Variants in ITPR1 observed in about 807,000 individuals in gnomAD.
The protein encoded by ITPR1 is inositol 1,4,5-trisphosphate-gated calcium channel ITPR1.
A neutral mutation model predicts 318.4 loss-of-function variants in ITPR1; 96 were observed. The ratio of observed to expected loss-of-function variants is 0.30; its 90% CI spans 0.26 to 0.36. The LOEUF is 0.36. Ranked by LOEUF, ITPR1 falls within the 10% of genes least tolerant of loss-of-function variation. ITPR1 has a pLI of 1.00. For missense variants in ITPR1, 2,440 were observed against 3,460.2 expected (o/e 0.71, Z 7.40); for synonymous variants, 1,312 against 1,289.9 (o/e 1.02, Z -0.37).
intron 10 of ITPR1, among the ~76,000 whole-genome samples, chr3:4,648,493 C>T (rs113649814): frequency 3.5e-4 from 53 of 152,248 alleles, no homozygotes; most frequent in African/African-American, 1.2e-3. Flanking sequence ...AAACAGATCA[C>T]TCATTTGCCT....
intron 12 of ITPR1, among the ~76,000 whole-genome samples, chr3:4,654,107 T>C (rs967804506): frequency 2.6e-5 from 4 of 152,198 alleles, no homozygotes; most frequent in Non-Finnish European, 5.9e-5. Context: ...GGTATTTCCA[T>C]GTGTAGTAAC....
intron 2 of ITPR1, among the ~76,000 whole-genome samples, chr3:4,503,438 T>G (rs1442085197): frequency 2.0e-5 from 3 of 152,208 alleles, no homozygotes; most frequent in African/African-American, 7.2e-5. Flanking sequence ...TTCGGGTCAT[T>G]GCTGCCGAGT....
chr3:4,753,539 G>A (rs755764742), intron 44 of ITPR1, among the ~76,000 whole-genome samples: 1 of 152,096 alleles, frequency 6.6e-6, no homozygotes, highest in Non-Finnish European at 1.5e-5. Context: ...GCAGGGTGGG[G>A]AGACATGAAG....
In ITPR1 at chr3:4,802,134, T is replaced by A. The variant is rs369683803; in HGVS notation, c.7107+1534T>A. Among the ~76,000 whole-genome samples, 59 of 152,340 alleles carry A rather than the reference T, an allele frequency of 3.9e-4. No homozygotes were observed. In the East Asian group the frequency reaches 6.9e-3, roughly 18 times the overall value. On this transcript the variant is annotated intron_variant, in intron 54 of 61. Coordinates refer to ENST00000649015, the MANE Select transcript of ITPR1 (RefSeq NM_001378452.1). The stretch of plus-strand genomic sequence containing the variant: ...ATGAAAAATGCTGAGGTAAACACAA[T>A]GAAAGGTTTCATTACTGCAGGCTTC...
At chr3:4,770,118 G>A (rs2046092874) in intron 46 of ITPR1, among the ~76,000 whole-genome samples, 1 of 152,202 alleles carries the variant, frequency 6.6e-6, no homozygotes, top group Non-Finnish European at 1.5e-5. Context: ...TGGGTTATGA[G>A]GGTATGGAAA....
At chr3:4,804,350 G>A (rs541846606) in intron 54 of ITPR1, among the ~76,000 whole-genome samples, 4 of 152,288 alleles carry the variant, frequency 2.6e-5, no homozygotes, top group East Asian at 1.9e-4. Flanking sequence ...TTGTCACGCC[G>A]CAGGGAGCTG....
chr3:4,620,659 T>C (rs1432517816), intron 4 of ITPR1, among the ~76,000 whole-genome samples: 1 of 149,580 alleles, frequency 6.7e-6, no homozygotes, highest in Non-Finnish European at 1.5e-5. Context: ...GTTGGGTTTT[T>C]TCTTCTAATT....
chr3:4,817,095 T>C (rs896019477), intron 59 of ITPR1, among the ~76,000 whole-genome samples: 8 of 152,234 alleles, frequency 5.3e-5, no homozygotes, highest in Non-Finnish European at 7.3e-5. Flanking sequence ...CTGGGTTTAG[T>C]CATGTCATCA....
In ITPR1 at chr3:4,662,004, T is replaced by A. The variant is rs41305884; in HGVS notation, c.1252-78T>A. On this transcript the variant is annotated intron_variant, in intron 14 of 61. Transcript: ENST00000649015. ...TAGTATCTTGGGATCAGCCAGTGTC[T>A]CGTAAATGTAGTGTTTGATTAAAGT... 2.7e-3 allele frequency: 3,389 copies of A among 1,273,274 alleles called. 8 individuals carry two copies. Among genetic ancestry groups the A allele is most frequent in the Non-Finnish European group, 3.4e-3 (3,075 of 897,470 alleles). The allele number at this position is 1,273,274 out of a possible 1,614,324, so 78.9% of individuals were successfully genotyped here.
rs891924061 is a variant in ITPR1, at chr3:4,633,443, C to G, written c.279+5565C>G. ...CCAGTGGGTTTTCATTTTTATTTTT[C>G]TCAACTACTATGCAGCACCCCAATC... On this transcript the variant is annotated intron_variant, in intron 5 of 61. Coordinates refer to ENST00000649015, the MANE Select transcript of ITPR1 (RefSeq NM_001378452.1). 2.0e-5 allele frequency among the ~76,000 whole-genome samples: 3 copies of G among 152,136 alleles called. No homozygotes were observed. The South Asian group carries it at 6.2e-4, about 32-fold the overall frequency.
At chr3:4,670,571 G>A (rs902269629) in intron 19 of ITPR1, among the ~76,000 whole-genome samples, 158 bp from the exon 20 acceptor site, 6 of 152,318 alleles carry the variant, frequency 3.9e-5, no homozygotes, top group East Asian at 1.9e-4. Context: ...CTGGGTTACA[G>A]TATATGAAGA....
chr3:4,565,916 A>G (rs1227510363), intron 4 of ITPR1, among the ~76,000 whole-genome samples: 2 of 152,222 alleles, frequency 1.3e-5, no homozygotes, highest in East Asian at 1.9e-4. Context: ...ATTGGGCTGC[A>G]GTTGTTTCCT....
intron 30 of ITPR1, among the ~76,000 whole-genome samples, chr3:4,688,063 A>G (rs1237516071): frequency 6.6e-6 from 1 of 152,036 alleles, no homozygotes; most frequent in East Asian, 1.9e-4. Flanking sequence ...AATTTTTATT[A>G]TTTTTATCTT....
intron 8 of ITPR1, 100 bp from the exon 9 acceptor site, chr3:4,645,287 G>T: frequency 1.2e-6 from 1 of 800,640 alleles, no homozygotes; most frequent in Non-Finnish European, 2.2e-6. Flanking sequence ...TTAGTCTCAA[G>T]TACAGCCTTG....
chr3:4,725,537 C>T lies in ITPR1; in HGVS notation c.5137-9C>T. 1 of 1,598,738 alleles carries T rather than the reference C, an allele frequency of 6.3e-7. No homozygotes were observed. The highest frequency in any genetic ancestry group is 8.5e-7 in the Non-Finnish European group (1 of 1,179,240). ...CATGACTAACGTACTTCGTTTTACTCCCAATTAGCTTCCTCCAGCTCCGGA... is the reference window on the plus strand; with the variant it reads ...CATGACTAACGTACTTCGTTTTACTTCCAATTAGCTTCCTCCAGCTCCGGA... On this transcript the variant is annotated splice_polypyrimidine_tract_variant and intron_variant, in intron 40 of 61. Transcript: ENST00000649015.
At chr3:4,533,637 C>T (rs898206806) in intron 4 of ITPR1, among the ~76,000 whole-genome samples, 7 of 152,150 alleles carry the variant, frequency 4.6e-5, no homozygotes, top group Non-Finnish European at 7.3e-5. Flanking sequence ...TCGATATGTC[C>T]GTTTTAAAAA....
intron 8 of ITPR1, among the ~76,000 whole-genome samples, chr3:4,644,834 A>G (rs1260738296): frequency 1.3e-5 from 2 of 152,118 alleles, no homozygotes; most frequent in Non-Finnish European, 2.9e-5. Context: ...GTCTCCCTGC[A>G]TATCAGTTTC....
rs1051684650 is a variant in ITPR1, at chr3:4,604,721, C to T, written c.164-23042C>T. Reference sequence around the variant, plus strand: ...ACCTAGGGGTGGAGCTTAGGATCTGCAGTAGTTGGGGAGGACCTGTGACTA... The same window carrying T: ...ACCTAGGGGTGGAGCTTAGGATCTGTAGTAGTTGGGGAGGACCTGTGACTA... On this transcript the variant is annotated intron_variant, in intron 4 of 61. Coordinates refer to ENST00000649015, the MANE Select transcript of ITPR1 (RefSeq NM_001378452.1). Among the ~76,000 whole-genome samples the T allele has an allele frequency of 8.5e-5, 13 of 152,184 alleles. No individual in the cohort carries two copies. In the South Asian group the frequency reaches 2.7e-3, roughly 32 times the overall value.
intron 4 of ITPR1, among the ~76,000 whole-genome samples, chr3:4,612,207 G>T (rs373558409): frequency 6.6e-6 from 1 of 151,504 alleles, no homozygotes; most frequent in Non-Finnish European, 1.5e-5. Context: ...GATTACAGGC[G>T]CCCACCACCA....
Sources: gnomAD v4.1 joint callset for allele counts (sites outside exome capture counted in the v4.1 genomes callset) on GRCh38, gnomAD v4.1.1 for gene constraint, MANE v1.5 for transcripts, NCBI Gene and HGNC (gene_info 2026-07-23, HGNC 2026-07-21) for gene names.